The following SLF1 variants were observed in gnomAD, a reference collection of about 807,000 sequenced individuals.
The protein encoded by SLF1 is SMC5/6 complex localization factor 1.
Under a neutral mutation model 123.0 loss-of-function variants are expected in SLF1, and 105 were observed. That is an observed-to-expected ratio of 0.85 (90% CI 0.73 to 1.00). The LOEUF is 1.00. SLF1 is among the 50% of genes least tolerant of loss of function. The probability of loss-of-function intolerance (pLI) is 0.00; values close to 1 mark genes in which losing one functional copy is unlikely to be tolerated. For synonymous variants in SLF1, 434 were observed against 406.6 expected (o/e 1.07, Z -0.81); for missense variants, 1,239 against 1,223.0 (o/e 1.01, Z -0.20).
At chr5:94,682,759 ATTT>A (rs1751959861) in intron 15 of SLF1, among the ~76,000 whole-genome samples, 1 of 152,198 alleles carries the variant, frequency 6.6e-6, no homozygotes, top group African/African-American at 2.4e-5. Context: ...TCTTTTCTGT[ATTT>A]TAAGCTCAAA....
At chr5:94,684,697 CAAAAAAAAAAAAAA>C (rs397882900) in intron 15 of SLF1, among the ~76,000 whole-genome samples, 1 of 68,846 alleles carries the variant, frequency 1.5e-5, no homozygotes, top group Non-Finnish European at 2.7e-5. Flanking sequence ...GACTCTGTCT[CAAAAAAAAAAAAAA>C]AAAAAAAAAA....
intron 9 of SLF1, among the ~76,000 whole-genome samples, chr5:94,657,836 A>ACT (rs1279745102): frequency 6.6e-6 from 1 of 151,988 alleles, no homozygotes; most frequent in South Asian, 2.1e-4. Flanking sequence ...TAACTTAGAA[A>ACT]GTTTTTTCTG....
chr5:94,623,801 A>C (rs560360883), intron 1 of SLF1, among the ~76,000 whole-genome samples: 1 of 152,130 alleles, frequency 6.6e-6, no homozygotes, highest in Non-Finnish European at 1.5e-5. Context: ...GGTTTATTGT[A>C]TTCTTAATCC....
intron 4 of SLF1, among the ~76,000 whole-genome samples, chr5:94,636,157 T>G (rs1212829903): frequency 3.3e-5 from 5 of 152,234 alleles, no homozygotes; most frequent in African/African-American, 1.2e-4. Flanking sequence ...CACTGGTAAT[T>G]ACGTTCAGAC....
chr5:94,669,509 T>C (rs935196662), intron 12 of SLF1, among the ~76,000 whole-genome samples: 3 of 152,108 alleles, frequency 2.0e-5, no homozygotes, highest in Admixed American at 6.5e-5. Context: ...GTGTGCTGTC[T>C]GACCCAATAG....
intron 1 of SLF1, among the ~76,000 whole-genome samples, chr5:94,624,841 TA>T (rs1017707324): frequency 6.6e-6 from 1 of 152,046 alleles, no homozygotes; most frequent in African/African-American, 2.4e-5. Flanking sequence ...CTTGAAACTC[TA>T]AAATACATTA....
intron 1 of SLF1, among the ~76,000 whole-genome samples, chr5:94,627,738 A>T (rs1396841221): frequency 6.6e-6 from 1 of 151,060 alleles, no homozygotes; most frequent in Non-Finnish European, 1.5e-5. Flanking sequence ...TACATATTTA[A>T]TATGTGTCCA....
chr5:94,645,233 G>C (rs1392924236), intron 5 of SLF1, among the ~76,000 whole-genome samples: 1 of 152,134 alleles, frequency 6.6e-6, no homozygotes, highest in African/African-American at 2.4e-5. Flanking sequence ...GAACACAGAA[G>C]AATGTAACCT....
chr5:94,678,887 A>G lies in SLF1; in HGVS notation c.1907A>G (p.Lys636Arg). The G allele has an allele frequency of 6.2e-7, 1 of 1,613,906 alleles. No individual in the cohort carries two copies. Among genetic ancestry groups the G allele is most frequent in the Non-Finnish European group, 8.5e-7 (1 of 1,179,880 alleles). The change falls in exon 15 of 21, where the codon AAG (lysine) becomes AGG (arginine). Residue 636 changes from lysine (K) to arginine (R), a missense_variant. Physicochemically the swap from Lys to Arg is conservative, Grantham distance 26. Coordinates refer to ENST00000265140, the MANE Select transcript of SLF1 (RefSeq NM_032290.4). The stretch of plus-strand genomic sequence containing the variant: ...GATTATTGGATTTTCCTTGGTCTTA[A>G]GATGGGTAGAAATGTGATGCGACAC... ...AIDYWIFLGL[K>R]MGRNVMRHMS... is the part of the protein sequence containing the mutation.
At chr5:94,636,710 A>ATTTTTT (rs140191160) in intron 4 of SLF1, among the ~76,000 whole-genome samples, 143 of 75,478 alleles carry the variant, frequency 1.9e-3, no homozygotes, top group Non-Finnish European at 1.9e-3. Context: ...TATTTTACTG[A>ATTTTTT]TTTTTTTTTT....
intron 14 of SLF1, among the ~76,000 whole-genome samples, chr5:94,672,386 A>C (rs1750569059): frequency 6.6e-6 from 1 of 152,004 alleles, no homozygotes; most frequent in Non-Finnish European, 1.5e-5. Flanking sequence ...CATTAAACTT[A>C]CGTTATACCT....
At chr5:94,668,090 CCTCTCTT>C (rs1283094576) in intron 12 of SLF1, among the ~76,000 whole-genome samples, 2 of 152,104 alleles carry the variant, frequency 1.3e-5, no homozygotes, top group South Asian at 2.1e-4. Flanking sequence ...TCTCTCCTCT[CCTCTCTT>C]CTCCTTTGTC....
At chr5:94,628,433 A>G (rs1213428996) in intron 1 of SLF1, among the ~76,000 whole-genome samples, 1 of 152,238 alleles carries the variant, frequency 6.6e-6, no homozygotes, top group Admixed American at 6.5e-5. Flanking sequence ...CACTGCACCC[A>G]GCCCAACAAT....
At chr5:94,670,337 T>A in intron 13 of SLF1, 58 bp downstream of exon 13, 1 of 781,234 alleles carries the variant, frequency 1.3e-6, no homozygotes, top group South Asian at 3.1e-5. Flanking sequence ...TTATGCACCA[T>A]TTTTTTTTTA....
intron 10 of SLF1, 118 bp downstream of exon 10, chr5:94,662,469 T>A: frequency 1.3e-6 from 1 of 752,004 alleles, no homozygotes; most frequent in Non-Finnish European, 1.9e-6. Flanking sequence ...ACGTATTATA[T>A]GCACAAATAA....
At chr5:94,663,653 G>C in intron 10 of SLF1, 97 bp from the exon 11 acceptor site, 1 of 1,080,240 alleles carries the variant, frequency 9.3e-7, no homozygotes, top group South Asian at 1.8e-5. Flanking sequence ...TCAAATGAAT[G>C]AATGAATAAA....
intron 9 of SLF1, 67 bp from the exon 10 acceptor site, chr5:94,662,231 T>G (rs1407512922): frequency 5.1e-6 from 7 of 1,375,820 alleles, no homozygotes; most frequent in Non-Finnish European, 2.0e-6. Context: ...TCCAAGGTTT[T>G]GGGGAAGCTG....
intron 9 of SLF1, among the ~76,000 whole-genome samples, chr5:94,661,521 A>G (rs1209118906): frequency 6.7e-6 from 1 of 149,996 alleles, no homozygotes; most frequent in Non-Finnish European, 1.5e-5. Context: ...CCCTTCTTCC[A>G]GGGTTTTTTG....
chr5:94,638,241 C>T (rs957491352), intron 4 of SLF1, among the ~76,000 whole-genome samples: 10 of 151,984 alleles, frequency 6.6e-5, no homozygotes, highest in Admixed American at 2.0e-4. Context: ...TGCAGTGGCG[C>T]GATCTCAGCT....
Sources: allele counts gnomAD v4.1 joint callset (sites outside exome capture counted in the v4.1 genomes callset), GRCh38; gene constraint gnomAD v4.1.1; transcripts MANE v1.5; gene names NCBI Gene and HGNC (gene_info 2026-07-23, HGNC 2026-07-21).